Variants in MCM3AP observed in about 807,000 individuals in gnomAD.
The protein encoded by MCM3AP is germinal-center associated nuclear protein.
Under a neutral mutation model 184.1 loss-of-function variants are expected in MCM3AP, and 126 were observed. That is an observed-to-expected ratio of 0.68 (90% CI 0.59 to 0.79). The LOEUF is 0.79. Among genes scored for constraint, MCM3AP ranks in the 30% least tolerant of loss-of-function variants. The pLI, the probability that MCM3AP is intolerant of heterozygous loss-of-function variation, is 0.00. For missense variants in MCM3AP, 2,496 were observed against 2,479.2 expected, an observed-to-expected ratio of 1.01 and a Z score of -0.14; for synonymous variants, 1,002 against 979.3, an observed-to-expected ratio of 1.02 and a Z score of -0.43.
Position 46,283,614 on chromosome 21 carries a change from C to T in MCM3AP, c.1443+1G>A, listed in dbSNP as rs1224983278. 2 of 1,608,178 alleles carry T rather than the reference C, an allele frequency of 1.2e-6. No homozygotes were observed. The highest frequency in any genetic ancestry group is 1.7e-6 in the Non-Finnish European group (2 of 1,174,924). ...ACAAATGGCAAGATGGGAGTACTCA[C>T]ATGATCAAAGAAATGTACCACTGCA... On this transcript the variant is annotated splice_donor_variant, in intron 2 of 27. Coordinates refer to ENST00000291688, the MANE Select transcript of MCM3AP (RefSeq NM_003906.5). LOFTEE classifies it high-confidence loss of function.
chr21:46,245,309 G>A (rs897732012), intron 22 of MCM3AP, 112 bp from the exon 23 acceptor site: 1 of 949,080 alleles, frequency 1.1e-6, no homozygotes. Flanking sequence ...CCAGAGTACT[G>A]GGCTCTCAAC....
At chr21:46,259,338 C>G (rs569431208) in intron 15 of MCM3AP, 1 of 296,750 alleles carries the variant, frequency 3.4e-6, no homozygotes, top group South Asian at 5.1e-5. Context: ...CGCCTGTAGT[C>G]CCAGCTACTC....
At chr21:46,270,361 T>C (rs759789558) in intron 9 of MCM3AP, 40 bp downstream of exon 9, 38 of 1,575,974 alleles carry the variant, frequency 2.4e-5, no homozygotes, top group Non-Finnish European at 2.9e-5. Context: ...AAGAACCACC[T>C]GCTTTCTTCC....
chr21:46,242,064 A>G (rs1253599540), intron 25 of MCM3AP: 1 of 152,152 alleles, frequency 6.6e-6, no homozygotes, highest in Non-Finnish European at 1.5e-5. Flanking sequence ...ACCTTATTGA[A>G]CTGAGAATGG....
intron 2 of MCM3AP, among the ~76,000 whole-genome samples, chr21:46,280,812 C>CTT (rs5844262): frequency 3.5e-4 from 52 of 148,566 alleles, no homozygotes; most frequent in Admixed American, 8.7e-4. Context: ...CTCTTTCCCC[C>CTT]TTTTTTTTTT....
intron 19 of MCM3AP, chr21:46,252,518 C>G (rs2080889584): frequency 6.6e-6 from 1 of 151,774 alleles, no homozygotes; most frequent in Admixed American, 6.6e-5. Flanking sequence ...AAAACCCTGT[C>G]TCTACAAAAT....
At chr21:46,263,780 CAAAAAAAAAAAAAAAA>C (rs57674256) in intron 13 of MCM3AP, among the ~76,000 whole-genome samples, 3 of 28,318 alleles carry the variant, frequency 1.1e-4, no homozygotes, top group African/African-American at 3.6e-4. Flanking sequence ...GACTCCATCT[CAAAAAAAAAAAAAAAA>C]AAAAAAAAAA....
rs1418943993 is a variant in MCM3AP, at chr21:46,235,188, TCAAG to T, written c.*76_*79del. Reference sequence around the variant, plus strand: ...AATTAATCACATTTCCAACAGTGCATCAAGCATCTGAGAATAACATTATTTTGAG... The same window carrying T: ...AATTAATCACATTTCCAACAGTGCATCATCTGAGAATAACATTATTTTGAG... On this transcript the variant is annotated 3_prime_UTR_variant, in exon 28 of 28. Transcript: ENST00000291688. 7.1e-7 allele frequency: 1 copy of T among 1,403,168 alleles called. No homozygotes were observed. The highest frequency in any genetic ancestry group is 1.4e-5 in the African/African-American group (1 of 70,224). 86.9% of individuals were successfully genotyped at this position (1,403,168 alleles called of 1,614,324 possible).
chr21:46,249,552 T>C (rs777912448), intron 20 of MCM3AP: 48 of 445,024 alleles, frequency 1.1e-4, no homozygotes, highest in South Asian at 7.3e-4. Flanking sequence ...AATGTCAGAA[T>C]GAAATAAATG....
intron 4 of MCM3AP, among the ~76,000 whole-genome samples, chr21:46,279,007 A>AG (rs2081291061): frequency 6.6e-6 from 1 of 151,410 alleles, no homozygotes; most frequent in Admixed American, 6.6e-5. Context: ...AAAAAAAAAA[A>AG]GTAATGCTGG....
At chr21:46,240,228 CAA>C (rs1223484548) in intron 26 of MCM3AP, among the ~76,000 whole-genome samples, 1 of 152,122 alleles carries the variant, frequency 6.6e-6, no homozygotes, top group African/African-American at 2.4e-5. Flanking sequence ...TTTCCAGCAA[CAA>C]GAGGCGTCAG....
rs1237457563 is a variant in MCM3AP at position 46,276,442 on chromosome 21, A to AT, written c.1858+1084dup. ...TAAAAAGAGGAAACTCCTATAGCTG[A>AT]TTTTTTTTTTCTTTTTGAGATGGAG... On this transcript the variant is annotated intron_variant, in intron 5 of 27. Coordinates refer to ENST00000291688, the MANE Select transcript of MCM3AP (RefSeq NM_003906.5). Among the ~76,000 whole-genome samples the AT allele has an allele frequency of 1.3e-4, 19 of 150,032 alleles. 1 individual carries two copies. The South Asian group carries it at 1.7e-3, about 13-fold the overall frequency.
chr21:46,247,620 G>C (rs2080798120), intron 20 of MCM3AP: 1 of 151,982 alleles, frequency 6.6e-6, no homozygotes, highest in Non-Finnish European at 1.5e-5. Context: ...GCCTCCCAAA[G>C]TGCTGGGATT....
At chr21:46,264,075 C>A (rs978195966) in intron 13 of MCM3AP, 42 bp downstream of exon 13, 1 of 1,401,878 alleles carries the variant, frequency 7.1e-7, no homozygotes, top group African/African-American at 1.4e-5. Context: ...GGTGCAGCTC[C>A]CCGCAGCACG....
intron 20 of MCM3AP, chr21:46,250,521 C>T (rs1226989782): frequency 6.6e-6 from 1 of 152,252 alleles, no homozygotes; most frequent in Non-Finnish European, 1.5e-5. Context: ...TCCATCTAGG[C>T]TCACCTCTTG....
intron 13 of MCM3AP, among the ~76,000 whole-genome samples, chr21:46,262,908 C>T (rs1328332776): frequency 2.3e-5 from 3 of 129,450 alleles, no homozygotes; most frequent in East Asian, 2.4e-4. Context: ...GCGGAGCCTG[C>T]AGTGAGCCGA....
Position 46,266,091 on chromosome 21 carries a change from A to G in MCM3AP, c.2865T>C (p.Thr955=), listed in dbSNP as rs2145679335. The change falls in exon 11 of 28, where the codon ACT becomes ACC. Residue 955 remains threonine (T), a synonymous_variant. Transcript: ENST00000291688. ...LSKTRKSVFI[T]RKLTVSVGEI... ...CCCCGACTGACACCGTCAGCTTCCT[A>G]GTAATAAACACCGACTTCCTGGTCT... 6.2e-7 allele frequency: 1 copy of G among 1,612,418 alleles called. No homozygotes were observed. Among genetic ancestry groups the G allele is most frequent in the Non-Finnish European group, 8.5e-7 (1 of 1,179,332 alleles).
At chr21:46,261,472 C>T (rs2081040624) in intron 13 of MCM3AP, 61 bp from the exon 14 acceptor site, 14 of 1,515,290 alleles carry the variant, frequency 9.2e-6, no homozygotes, top group South Asian at 3.4e-5. Context: ...CGGTGGCTCA[C>T]GCCTGTAATC....
At chr21:46,238,095 A>G (rs1376073493) in intron 26 of MCM3AP, among the ~76,000 whole-genome samples, 2 of 101,356 alleles carry the variant, frequency 2.0e-5, no homozygotes, top group East Asian at 2.5e-4. Context: ...GCAAAACTCC[A>G]TCTCAAAAAA....
Sources: allele counts gnomAD v4.1 joint callset (sites outside exome capture counted in the v4.1 genomes callset), GRCh38; gene constraint gnomAD v4.1.1; transcripts MANE v1.5; gene names NCBI Gene and HGNC (gene_info 2026-07-23, HGNC 2026-07-21).